Variants in AGBL3 observed in about 807,000 individuals in gnomAD.
AGBL3 encodes AGBL carboxypeptidase 3, also known as cytosolic carboxypeptidase 3.
Under a neutral mutation model 94.5 loss-of-function variants are expected in AGBL3, and 68 were observed. The observed-to-expected ratio is 0.72, with a 90% CI of 0.59 to 0.88. The LOEUF is 0.88. Ranked by LOEUF, AGBL3 falls within the 40% of genes least tolerant of loss-of-function variation. The pLI, the probability that AGBL3 is intolerant of heterozygous loss-of-function variation, is 0.00. For missense variants in AGBL3, 934 were observed against 1,103.8 expected, an observed-to-expected ratio of 0.85 and a Z score of 2.18; for synonymous variants, 354 against 370.7, an observed-to-expected ratio of 0.95 and a Z score of 0.52.
intron 11 of AGBL3, among the ~76,000 whole-genome samples, chr7:135,052,986 A>G (rs752522584): frequency 1.3e-5 from 2 of 152,208 alleles, no homozygotes; most frequent in Non-Finnish European, 1.5e-5. Flanking sequence ...TACACATTGA[A>G]GAAAGCTTCA....
At chr7:135,117,487 G>A (rs757807724) in intron 16 of AGBL3, among the ~76,000 whole-genome samples, 2 of 152,178 alleles carry the variant, frequency 1.3e-5, no homozygotes, top group African/African-American at 2.4e-5. Flanking sequence ...GTCTAAAATG[G>A]TTTAGCAAAG....
chr7:135,022,259 G>A (rs1001089467), intron 5 of AGBL3, among the ~76,000 whole-genome samples: 2 of 152,150 alleles, frequency 1.3e-5, no homozygotes, highest in African/African-American at 2.4e-5. Flanking sequence ...TTCCACAATG[G>A]TTGAACTAAT....
At chr7:135,008,618 G>GA (rs34573898) in intron 4 of AGBL3, among the ~76,000 whole-genome samples, 11,130 of 143,802 alleles carry the variant, frequency 0.077, 562 homozygotes, top group Non-Finnish European at 0.1. Flanking sequence ...AGCAACAACT[G>GA]AAAAAAAAAA....
chr7:135,094,287 T>A (rs1334648128), intron 15 of AGBL3: 15 of 430,506 alleles, frequency 3.5e-5, no homozygotes, highest in Middle Eastern at 3.4e-4. Flanking sequence ...ACTTATTGGA[T>A]CCATCAGAGA....
At chr7:135,117,422 T>G (rs1826477299) in intron 16 of AGBL3, among the ~76,000 whole-genome samples, 1 of 152,238 alleles carries the variant, frequency 6.6e-6, no homozygotes. Flanking sequence ...ATGATAATTC[T>G]GCAAACTCTT....
intron 16 of AGBL3, among the ~76,000 whole-genome samples, chr7:135,131,516 C>G (rs998658940): frequency 4.6e-5 from 7 of 151,054 alleles, no homozygotes; most frequent in Non-Finnish European, 8.8e-5. Flanking sequence ...GGAAATGAAA[C>G]TATAATATAT....
At chr7:134,997,672 C>T (rs1811180553) in intron 4 of AGBL3, among the ~76,000 whole-genome samples, 1 of 152,184 alleles carries the variant, frequency 6.6e-6, no homozygotes, top group Admixed American at 6.5e-5. Flanking sequence ...TACTATCTGA[C>T]ATAGCCCAAG....
At chr7:135,081,854 C>T in intron 15 of AGBL3, 64 bp downstream of exon 15, 1 of 1,051,750 alleles carries the variant, frequency 9.5e-7, no homozygotes, top group Non-Finnish European at 1.4e-6. Context: ...TTATTTTTCT[C>T]TCTAGCTCTA....
chr7:135,103,475 T>A (rs577871712), intron 15 of AGBL3, among the ~76,000 whole-genome samples: 1 of 152,342 alleles, frequency 6.6e-6, no homozygotes, highest in South Asian at 2.1e-4. Context: ...TTTCTTAATA[T>A]GCATGCTTTT....
intron 16 of AGBL3, among the ~76,000 whole-genome samples, chr7:135,123,556 T>A: frequency 6.6e-6 from 1 of 152,100 alleles, no homozygotes; most frequent in East Asian, 1.9e-4. Context: ...CACTAAGATA[T>A]TCCATGAGAA....
At chr7:135,129,503 G>T (rs1828431861) in intron 16 of AGBL3, 7 of 772,548 alleles carry the variant, frequency 9.1e-6, no homozygotes, top group Admixed American at 1.7e-5. Context: ...CTCCCATAGA[G>T]AAATTAGATG....
intron 15 of AGBL3, among the ~76,000 whole-genome samples, chr7:135,101,472 A>C (rs1224503494): frequency 6.6e-6 from 1 of 152,162 alleles, no homozygotes; most frequent in African/African-American, 2.4e-5. Context: ...ATATAGAAGG[A>C]AATTATTTCA....
intron 5 of AGBL3, 53 bp downstream of exon 5, chr7:135,017,212 A>T (rs1046370838): frequency 5.6e-5 from 70 of 1,248,040 alleles, no homozygotes; most frequent in Non-Finnish European, 7.9e-5. Context: ...TACTTAGGTT[A>T]ATCTCTTAAT....
intron 15 of AGBL3, among the ~76,000 whole-genome samples, chr7:135,087,979 G>A (rs961275397): frequency 6.6e-6 from 1 of 151,914 alleles, no homozygotes; most frequent in Non-Finnish European, 1.5e-5. Context: ...AATAATATTT[G>A]CTTTATGTTT....
intron 5 of AGBL3, among the ~76,000 whole-genome samples, chr7:135,031,419 C>T (rs1192492262): frequency 2.6e-5 from 4 of 151,982 alleles, no homozygotes; most frequent in South Asian, 2.1e-4. Flanking sequence ...ACCACTACAC[C>T]GGCTAATTTT....
At position 135,032,947 on chromosome 7, in the gene AGBL3, G is replaced by A; in HGVS notation, c.522G>A (p.Arg174=). Residue 174 remains arginine (R), a synonymous_variant, in exon 6 of 17, where the codon AGG becomes AGA. Coordinates refer to ENST00000436302, the MANE Select transcript of AGBL3 (RefSeq NM_178563.4). ...ACAATACTTTGATGTTTGAAGCAAG[G>A]TTTGAGAGTGGTAATCTACAGAAGG... is the stretch of plus-strand genomic sequence containing the variant. ...YRDNTLMFEA[R]FESGNLQKVV... 6.4e-7 allele frequency: 1 copy of A among 1,551,380 alleles called. No homozygotes were observed. Among genetic ancestry groups the A allele is most frequent in the Admixed American group, 2.0e-5 (1 of 50,932 alleles).
chr7:135,014,680 G>A (rs1462798333), intron 4 of AGBL3, among the ~76,000 whole-genome samples: 1 of 152,078 alleles, frequency 6.6e-6, no homozygotes, highest in East Asian at 1.9e-4. Flanking sequence ...AGGGCTGAAG[G>A]CATGGTGTTG....
At chr7:135,110,146 C>T (rs1176825082) in intron 15 of AGBL3, among the ~76,000 whole-genome samples, 2 of 152,088 alleles carry the variant, frequency 1.3e-5, no homozygotes, top group Non-Finnish European at 2.9e-5. Flanking sequence ...CTACTAGTGG[C>T]TGGCTGGAGT....
At chr7:135,072,176 C>G (rs1253929942) in intron 12 of AGBL3, among the ~76,000 whole-genome samples, 1 of 152,214 alleles carries the variant, frequency 6.6e-6, no homozygotes, top group Non-Finnish European at 1.5e-5. Context: ...CTCATCATCA[C>G]TGGCCATCAG....
Sources: allele counts gnomAD v4.1 joint callset (sites outside exome capture counted in the v4.1 genomes callset), GRCh38; gene constraint gnomAD v4.1.1; transcripts MANE v1.5; gene names NCBI Gene and HGNC (gene_info 2026-07-23, HGNC 2026-07-21).